The following GPR39 variants were observed in gnomAD, a reference collection of about 807,000 sequenced individuals.
The protein encoded by GPR39 is G protein-coupled receptor 39.
A neutral mutation model predicts 18.4 loss-of-function variants in GPR39; 23 were observed. The observed-to-expected ratio is 1.25, with a 90% CI of 0.90 to 1.77. The LOEUF is 1.77. Among genes scored for constraint, GPR39 ranks in the 40% most tolerant of loss-of-function variants. The probability of loss-of-function intolerance (pLI) is 0.00; values close to 1 mark genes in which losing one functional copy is unlikely to be tolerated. For missense variants in GPR39, 647 were observed against 602.4 expected (o/e 1.07, Z -0.78); for synonymous variants, 280 against 257.9 (o/e 1.09, Z -0.82).
chr2:132,534,827 T>C (rs7368544), intron 1 of GPR39, among the ~76,000 whole-genome samples: 141,172 of 150,956 alleles, frequency 0.94, 66,097 homozygotes, highest in African/African-American at 0.97. Flanking sequence ...CATCACACAC[T>C]GGGGACTGTT....
intron 1 of GPR39, among the ~76,000 whole-genome samples, chr2:132,466,874 G>A (rs1680936479): frequency 1.3e-5 from 2 of 152,154 alleles, no homozygotes; most frequent in Admixed American, 6.5e-5. Flanking sequence ...CTTGCATTAT[G>A]ATTACTCTTC....
chr2:132,417,389 A>G lies in GPR39; in HGVS notation c.347A>G (p.Glu116Gly). ...LSCKLHTFLF[E>G]ACSYATLLHV... ...TGCAAGCTGCACACTTTCCTCTTCG[A>G]GGCCTGCAGCTACGCTACGCTGCTG... Residue 116 changes from glutamate to glycine, a missense_variant, in exon 1 of 2, where the codon GAG becomes GGG. Physicochemically the swap from Glu to Gly is moderately conservative, Grantham distance 98. Coordinates refer to ENST00000329321, the MANE Select transcript of GPR39 (RefSeq NM_001508.3). 1 of 1,614,146 alleles carries G rather than the reference A, an allele frequency of 6.2e-7. No individual in the cohort carries two copies. The highest frequency in any genetic ancestry group is 2.2e-5 in the East Asian group (1 of 44,856).
chr2:132,462,608 T>C (rs530487287), intron 1 of GPR39, among the ~76,000 whole-genome samples: 4 of 152,330 alleles, frequency 2.6e-5, no homozygotes, highest in African/African-American at 7.2e-5. Flanking sequence ...TACAGCTCTT[T>C]CCTCCTACAT....
intron 1 of GPR39, among the ~76,000 whole-genome samples, chr2:132,609,868 G>C (rs950048410): frequency 3.3e-5 from 5 of 152,104 alleles, no homozygotes; most frequent in African/African-American, 7.2e-5. Context: ...CCTTGTTTTA[G>C]AGTGCCTCTC....
intron 1 of GPR39, among the ~76,000 whole-genome samples, chr2:132,603,601 T>C (rs1681083659): frequency 6.6e-6 from 1 of 151,990 alleles, no homozygotes; most frequent in African/African-American, 2.4e-5. Context: ...CATTACATAC[T>C]ATATACATGT....
At chr2:132,591,112 G>A (rs1050427478) in intron 1 of GPR39, among the ~76,000 whole-genome samples, 3 of 150,846 alleles carry the variant, frequency 2.0e-5, no homozygotes, top group Non-Finnish European at 3.0e-5. Context: ...TTAGCCGGGC[G>A]CGGTGGCGGG....
rs145473865 is a variant in GPR39 at position 132,646,339 on chromosome 2, C to T, written c.*733C>T. 16 of 1,216,120 alleles carry T rather than the reference C, an allele frequency of 1.3e-5. No homozygotes were observed. The highest frequency in any genetic ancestry group is 1.8e-5 in the Non-Finnish European group (16 of 913,398). The allele number at this position is 1,216,120 out of a possible 1,614,324, so 75.3% of individuals were successfully genotyped here. Reference sequence around the variant, plus strand: ...TGCACCGGCAAAAGAATAGCTGTCCCTCTCAGCCCAAATCCAAACGGACAG... The same window carrying T: ...TGCACCGGCAAAAGAATAGCTGTCCTTCTCAGCCCAAATCCAAACGGACAG... On this transcript the variant is annotated 3_prime_UTR_variant, in exon 2 of 2. Transcript: ENST00000329321.
intron 1 of GPR39, among the ~76,000 whole-genome samples, chr2:132,495,282 A>G (rs1681618947): frequency 6.6e-6 from 1 of 152,184 alleles, no homozygotes; most frequent in South Asian, 2.1e-4. Flanking sequence ...TTGTCAAGAA[A>G]GATTTGAGTG....
At chr2:132,515,144 A>C (rs1203052988) in intron 1 of GPR39, among the ~76,000 whole-genome samples, 1 of 152,242 alleles carries the variant, frequency 6.6e-6, no homozygotes, top group African/African-American at 2.4e-5. Context: ...TTAACCTGCC[A>C]TGTGACTTCA....
chr2:132,416,962 A>C lies in GPR39; in HGVS notation c.-81A>C. On this transcript the variant is annotated 5_prime_UTR_variant, in exon 1 of 2. Coordinates refer to ENST00000329321, the MANE Select transcript of GPR39 (RefSeq NM_001508.3). ...CGTGCGCCCACGCAGGTGAGTTTGC[A>C]GCCAAGAATTTTGGACGCTGCTGGG... The C allele has an allele frequency of 6.6e-7, 1 of 1,526,300 alleles. No homozygotes were observed. The highest frequency in any genetic ancestry group is 1.4e-5 in the African/African-American group (1 of 72,612). The allele number at this position is 1,526,300 out of a possible 1,614,324, so 94.5% of individuals were successfully genotyped here. A position where few individuals can be genotyped will look rare whatever the true frequency, so the allele number is the denominator to read the frequency against.
chr2:132,597,294 A>G (rs945005902), intron 1 of GPR39, among the ~76,000 whole-genome samples: 1 of 152,202 alleles, frequency 6.6e-6, no homozygotes, highest in South Asian at 2.1e-4. Flanking sequence ...TCAGCTTCCC[A>G]GCCTGGGCAG....
chr2:132,434,253 T>C (rs1452992066), intron 1 of GPR39, among the ~76,000 whole-genome samples: 1 of 152,188 alleles, frequency 6.6e-6, no homozygotes, highest in Non-Finnish European at 1.5e-5. Flanking sequence ...GTTCAAATGC[T>C]GTTGGGTTTA....
chr2:132,622,911 A>G (rs1422196609), intron 1 of GPR39, among the ~76,000 whole-genome samples: 1 of 152,144 alleles, frequency 6.6e-6, no homozygotes, highest in East Asian at 1.9e-4. Flanking sequence ...CAGGAGTTCA[A>G]GAGCAGCCTA....
chr2:132,502,801 A>G (rs930728425), intron 1 of GPR39, among the ~76,000 whole-genome samples: 1 of 152,180 alleles, frequency 6.6e-6, no homozygotes, highest in East Asian at 1.9e-4. Flanking sequence ...CATTGGGTTA[A>G]TTCAAAAGCC....
At chr2:132,569,556 C>T (rs1313699245) in intron 1 of GPR39, among the ~76,000 whole-genome samples, 3 of 139,222 alleles carry the variant, frequency 2.2e-5, no homozygotes, top group Non-Finnish European at 4.6e-5. Flanking sequence ...TGGGGTCCTC[C>T]GGCTTTGAGG....
At chr2:132,501,895 C>T (rs1679046496) in intron 1 of GPR39, among the ~76,000 whole-genome samples, 1 of 152,142 alleles carries the variant, frequency 6.6e-6, no homozygotes, top group African/African-American at 2.4e-5. Flanking sequence ...AGGATCACTA[C>T]TCCTGCTCAC....
chr2:132,459,003 A>G (rs1173849461), intron 1 of GPR39, among the ~76,000 whole-genome samples: 1 of 152,210 alleles, frequency 6.6e-6, no homozygotes, highest in Non-Finnish European at 1.5e-5. Flanking sequence ...ACTGCATTTT[A>G]GAGCCCATTT....
intron 1 of GPR39, among the ~76,000 whole-genome samples, chr2:132,532,438 C>A (rs1302576513): frequency 6.6e-6 from 1 of 152,126 alleles, no homozygotes; most frequent in African/African-American, 2.4e-5. Flanking sequence ...TGGTACCATT[C>A]CTTCTGAAAC....
intron 1 of GPR39, among the ~76,000 whole-genome samples, chr2:132,559,152 C>T (rs1322947256): frequency 1.3e-5 from 2 of 152,144 alleles, no homozygotes; most frequent in Non-Finnish European, 2.9e-5. Flanking sequence ...TAATAAACTT[C>T]CAATGTTTTG....
Sources: gnomAD v4.1 joint callset for allele counts (sites outside exome capture counted in the v4.1 genomes callset) on GRCh38, gnomAD v4.1.1 for gene constraint, MANE v1.5 for transcripts, NCBI Gene and HGNC (gene_info 2026-07-23, HGNC 2026-07-21) for gene names.